Variants in PDE6G observed in about 807,000 individuals in gnomAD.
PDE6G encodes the protein phosphodiesterase 6G.
A neutral mutation model predicts 10.9 loss-of-function variants in PDE6G; 10 were observed. The observed-to-expected ratio is 0.91, with a 90% CI of 0.56 to 1.55. PDE6G has a LOEUF of 1.55. Among genes scored for constraint, PDE6G ranks in the 40% most tolerant of loss-of-function variants. PDE6G has a pLI of 0.00. For synonymous variants in PDE6G, 41 were observed against 42.8 expected (o/e 0.96, Z 0.16); for missense variants, 102 against 110.1 (o/e 0.93, Z 0.33).
chr17:81,659,841 C>T (rs890022794), upstream of PDE6G, among the ~76,000 whole-genome samples: 5 of 152,168 alleles, frequency 3.3e-5, no homozygotes, highest in African/African-American at 1.2e-4. Context: ...AATCCCAGAA[C>T]TTTGGGAGGC....
At chr17:81,658,242 G>A (rs138127063), upstream of PDE6G, among the ~76,000 whole-genome samples, 1,847 of 151,392 alleles carry the variant, frequency 0.012, 143 homozygotes, top group Admixed American at 0.11. Context: ...CCACCACCAC[G>A]CCCAGCTAAT....
At chr17:81,654,011 G>A (rs974952734) in intron 1 of PDE6G, among the ~76,000 whole-genome samples, 2 of 152,120 alleles carry the variant, frequency 1.3e-5, no homozygotes, top group African/African-American at 2.4e-5. Context: ...TAGAGACGGG[G>A]TTTCACCATG....
chr17:81,660,866 C>G (rs1234057539), upstream of PDE6G, among the ~76,000 whole-genome samples: 2 of 152,156 alleles, frequency 1.3e-5, no homozygotes, highest in East Asian at 3.9e-4. Context: ...GTGTGCTGCC[C>G]TGGGGTCTTT....
At chr17:81,652,603 G>A (rs1477681816) in intron 2 of PDE6G, among the ~76,000 whole-genome samples, 1 of 143,624 alleles carries the variant, frequency 7.0e-6, no homozygotes, top group South Asian at 2.6e-4. Context: ...ACGGAGTTTT[G>A]TTCTTCTTGT....
chr17:81,652,103 C>T (rs1342121656), intron 2 of PDE6G, among the ~76,000 whole-genome samples: 1 of 151,686 alleles, frequency 6.6e-6, no homozygotes, highest in Non-Finnish European at 1.5e-5. Context: ...TGTGCGCACA[C>T]GTGTGAGTGG....
intron 1 of PDE6G, among the ~76,000 whole-genome samples, chr17:81,656,212 G>A (rs564866150): frequency 1.5e-4 from 23 of 152,330 alleles, no homozygotes; most frequent in East Asian, 1.4e-3. Context: ...TGTGACTGGC[G>A]TCCACTCAGG....
At chr17:81,652,854 C>T (rs915329800) in intron 2 of PDE6G, among the ~76,000 whole-genome samples, 1 of 76,546 alleles carries the variant, frequency 1.3e-5, no homozygotes, top group African/African-American at 6.0e-5. Flanking sequence ...AGGCCGGGCG[C>T]GACCTCAGGT....
chr17:81,652,563 C>G (rs1450495149), intron 2 of PDE6G, among the ~76,000 whole-genome samples: 1 of 151,856 alleles, frequency 6.6e-6, no homozygotes, highest in Non-Finnish European at 1.5e-5. Context: ...AGGCATGAGC[C>G]ACCGCCCCCG....
At chr17:81,657,885 GAATAAATA>G (rs1014787399), upstream of PDE6G, among the ~76,000 whole-genome samples, 30 of 122,618 alleles carry the variant, frequency 2.4e-4, no homozygotes, top group Non-Finnish European at 4.1e-4. Context: ...TGTTTCAAAT[GAATAAATA>G]AATAAATAAA....
chr17:81,659,567 C>G (rs1303710968), upstream of PDE6G, among the ~76,000 whole-genome samples: 1 of 151,394 alleles, frequency 6.6e-6, no homozygotes, highest in Non-Finnish European at 1.5e-5. Flanking sequence ...CCACTGCACT[C>G]CAACCTGGGC....
At chr17:81,655,509 G>C (rs992055635) in intron 1 of PDE6G, among the ~76,000 whole-genome samples, 2 of 152,220 alleles carry the variant, frequency 1.3e-5, no homozygotes, top group Non-Finnish European at 2.9e-5. Flanking sequence ...TGCTGCACAG[G>C]GTGGCCTCTC....
intron 2 of PDE6G, among the ~76,000 whole-genome samples, chr17:81,652,401 C>T (rs1296724425): frequency 2.7e-5 from 4 of 150,874 alleles, no homozygotes; most frequent in Admixed American, 6.6e-5. Flanking sequence ...CTCAGCCTCC[C>T]GAGTAGCTGG....
upstream of PDE6G, chr17:81,656,722 G>C: frequency 2.9e-6 from 2 of 680,712 alleles, no homozygotes; most frequent in Non-Finnish European, 5.4e-6. Context: ...CAGCAGATGG[G>C]GCCGGGACAG....
rs1306005982 is a variant in PDE6G at position 81,651,343 on chromosome 17, AG to A, written c.188-194del. On this transcript the variant is annotated intron_variant, in intron 3 of 3. Transcript: ENST00000331056. The surrounding 1 kb of genome is among the most constrained non-coding windows in gnomAD (Gnocchi z 4.8). ...GAAGGAGGGTGGGTGCAGCAGGTCC[AG>A]GGGAGGGAACCAGAGGAGGGTGGGG... 6.6e-6 allele frequency among the ~76,000 whole-genome samples: 1 copy of A among 151,696 alleles called. No homozygotes were observed. The highest frequency in any genetic ancestry group is 1.5e-5 in the Non-Finnish European group (1 of 67,894).
At chr17:81,654,763 T>TG (rs2144405258) in intron 1 of PDE6G, among the ~76,000 whole-genome samples, 1 of 151,448 alleles carries the variant, frequency 6.6e-6, no homozygotes, top group Non-Finnish European at 1.5e-5. Flanking sequence ...TTTTTTTTTT[T>TG]TTTAGACGGA....
At chr17:81,657,781 T>C (rs8069538), upstream of PDE6G, among the ~76,000 whole-genome samples, 1,031 of 152,150 alleles carry the variant, frequency 6.8e-3, 6 homozygotes, top group Non-Finnish European at 0.01. Flanking sequence ...CTTGGGAGGC[T>C]GAGGCAGGAG....
intron 2 of PDE6G, among the ~76,000 whole-genome samples, chr17:81,652,141 C>T (rs1471631905): frequency 1.3e-5 from 2 of 149,738 alleles, no homozygotes; most frequent in East Asian, 3.9e-4. Flanking sequence ...GATGGGAGCG[C>T]GGTGCCTGTG....
At chr17:81,662,904 C>T (rs1427996754) in intron 1 of PDE6G, among the ~76,000 whole-genome samples, 4 of 152,188 alleles carry the variant, frequency 2.6e-5, no homozygotes, top group Non-Finnish European at 5.9e-5. Flanking sequence ...GTGGCTGAGG[C>T]AGGAGAATGG....
rs778677462 is a variant in PDE6G at position 81,650,613 on chromosome 17, C to T, written c.*461G>A. ...CCAGCATGTCCAAACTAAGGGCACC[C>T]CCCTGGGAAGGGATGCAGAGACGGG... On this transcript the variant is annotated 3_prime_UTR_variant, in exon 4 of 4. Transcript: ENST00000331056. 21 of 454,386 alleles carry T rather than the reference C, an allele frequency of 4.6e-5. No individual in the cohort carries two copies. The highest frequency in any genetic ancestry group is 3.1e-4 in the South Asian group (20 of 64,484). 28.1% of individuals were successfully genotyped at this position (454,386 alleles called of 1,614,324 possible). A position where few individuals can be genotyped will look rare whatever the true frequency, so the allele number is the denominator to read the frequency against.
Sources: allele counts gnomAD v4.1 joint callset (sites outside exome capture counted in the v4.1 genomes callset), GRCh38; gene constraint gnomAD v4.1.1; non-coding constraint Gnocchi (gnomAD v3.1); transcripts MANE v1.5; gene names NCBI Gene and HGNC (gene_info 2026-07-23, HGNC 2026-07-21).